The following PCDHA10 variants were observed in gnomAD, a reference collection of about 807,000 sequenced individuals.
PCDHA10 encodes protocadherin alpha 10.
In PCDHA10, 45 loss-of-function variants were observed where a neutral mutation model predicts 61.2. That is an observed-to-expected ratio of 0.74 (90% CI 0.58 to 0.94). The LOEUF is 0.94. PCDHA10 is among the 40% of genes least tolerant of loss of function. The pLI is 0.00. For synonymous variants in PCDHA10, 602 were observed against 548.8 expected (o/e 1.10, Z -1.35); for missense variants, 1,278 against 1,236.2 (o/e 1.03, Z -0.51).
chr5:140,905,864 A>C (rs265313), intron 1 of PCDHA10, among the ~76,000 whole-genome samples: 7,097 of 152,260 alleles, frequency 0.047, 295 homozygotes, highest in African/African-American at 0.11. Context: ...AACTCACACA[A>C]TCACAAGGCC....
In PCDHA10 at chr5:140,882,314, C is replaced by G. The variant is rs370330527; in HGVS notation, c.2388+23878C>G. 9 of 1,614,000 alleles carry G rather than the reference C, an allele frequency of 5.6e-6. No individual in the cohort carries two copies. The Admixed American group carries it at 6.7e-5, about 12-fold the overall frequency. On this transcript the variant is annotated intron_variant, in intron 1 of 3. Transcript: ENST00000307360. ...AGGCCCAAGACCGCGGCAACTACTGCTCTGGCTTCTGATCCTCGCAGCCTG... is the reference window on the plus strand; with the variant it reads ...AGGCCCAAGACCGCGGCAACTACTGGTCTGGCTTCTGATCCTCGCAGCCTG...
intron 1 of PCDHA10, among the ~76,000 whole-genome samples, chr5:140,942,906 G>C (rs1454697434): frequency 6.6e-6 from 1 of 151,800 alleles, no homozygotes; most frequent in African/African-American, 2.4e-5. Context: ...CTAAGAATAA[G>C]CGTGAAGAAA....
intron 1 of PCDHA10, among the ~76,000 whole-genome samples, chr5:140,916,213 T>A (rs2077480691): frequency 6.6e-6 from 1 of 152,134 alleles, no homozygotes; most frequent in Non-Finnish European, 1.5e-5. Context: ...CTGGGGAAGA[T>A]CCAAATATGC....
intron 1 of PCDHA10, among the ~76,000 whole-genome samples, chr5:140,891,388 C>A (rs2063075244): frequency 6.6e-6 from 1 of 151,946 alleles, no homozygotes; most frequent in South Asian, 2.1e-4. Flanking sequence ...TATTTGCAAT[C>A]TTTTATCCCT....
chr5:140,962,757 T>C (rs1554226219), intron 1 of PCDHA10, among the ~76,000 whole-genome samples: 1 of 152,240 alleles, frequency 6.6e-6, no homozygotes, highest in Non-Finnish European at 1.5e-5. Context: ...GGAATCCTAT[T>C]CGTTTTTAAC....
At chr5:140,873,642 G>A (rs1217578025) in intron 1 of PCDHA10, among the ~76,000 whole-genome samples, 1 of 152,154 alleles carries the variant, frequency 6.6e-6, no homozygotes, top group Non-Finnish European at 1.5e-5. Flanking sequence ...GAGTATGTGA[G>A]AACTACATAA....
intron 1 of PCDHA10, among the ~76,000 whole-genome samples, chr5:140,902,579 A>G (rs2069572489): frequency 6.6e-6 from 1 of 152,078 alleles, no homozygotes. Flanking sequence ...TAAGATTTCA[A>G]TAGTTTTGGG....
intron 1 of PCDHA10, among the ~76,000 whole-genome samples, chr5:140,878,373 T>G (rs944129613): frequency 2.2e-4 from 34 of 152,258 alleles, no homozygotes; most frequent in African/African-American, 8.0e-4. Flanking sequence ...TGACATATGA[T>G]GAATGATTTT....
At chr5:140,982,312 T>C in intron 2 of PCDHA10, 163 bp from the exon 3 acceptor site, 1 of 1,315,948 alleles carries the variant, frequency 7.6e-7, no homozygotes, top group Non-Finnish European at 1.0e-6. Context: ...TTCTGCAGTT[T>C]ATGCAGGGTG....
In PCDHA10 at chr5:140,927,952, G is replaced by C. The variant is rs1352026553; in HGVS notation, c.2389-50997G>C. 6 of 1,614,064 alleles carry C rather than the reference G, an allele frequency of 3.7e-6. No homozygotes were observed. In the African/African-American group the frequency reaches 8.0e-5, roughly 22 times the overall value. On this transcript the variant is annotated intron_variant, in intron 1 of 3. Coordinates refer to ENST00000307360, the MANE Select transcript of PCDHA10 (RefSeq NM_018901.4). ...TTCGAACCCAGTACCTGAGGACGCTGCCCCTGGCACAGTGATTGCTCTCTT... is the reference window on the plus strand; with the variant it reads ...TTCGAACCCAGTACCTGAGGACGCTCCCCCTGGCACAGTGATTGCTCTCTT...
chr5:140,910,103 T>C (rs1485345908), intron 1 of PCDHA10, among the ~76,000 whole-genome samples: 2 of 152,192 alleles, frequency 1.3e-5, no homozygotes, highest in Admixed American at 6.5e-5. Flanking sequence ...CTCCCCTTCA[T>C]TTAAGGGATT....
At chr5:140,896,882 T>C (rs1345268084) in intron 1 of PCDHA10, among the ~76,000 whole-genome samples, 1 of 152,198 alleles carries the variant, frequency 6.6e-6, no homozygotes. Flanking sequence ...TTATGGGGTA[T>C]ATGAGACATT....
rs189949937 is a variant in PCDHA10 at position 140,920,653 on chromosome 5, T to C, written c.2389-58296T>C. On this transcript the variant is annotated intron_variant, in intron 1 of 3. Coordinates refer to ENST00000307360, the MANE Select transcript of PCDHA10 (RefSeq NM_018901.4). ...AAGGTCAAGAGATTGAGACCATCCT[T>C]GCCAACATGGTGAAACCCCATCTCT... is the stretch of plus-strand genomic sequence containing the variant. Among the ~76,000 whole-genome samples, 1,219 of 152,042 alleles carry C rather than the reference T, an allele frequency of 8.0e-3. 5 individuals carry two copies. Among genetic ancestry groups the C allele is most frequent in the African/African-American group, 0.019 (786 of 41,502 alleles).
At chr5:140,902,473 T>A (rs2069483138) in intron 1 of PCDHA10, among the ~76,000 whole-genome samples, 1 of 152,208 alleles carries the variant, frequency 6.6e-6, no homozygotes, top group African/African-American at 2.4e-5. Context: ...CTTTGAGTTT[T>A]TGCCTGCTCA....
At chr5:140,864,340 A>ACAT (rs1554158797) in intron 1 of PCDHA10, 2 of 152,232 alleles carry the variant, frequency 1.3e-5, no homozygotes, top group African/African-American at 4.8e-5. Flanking sequence ...TTGAGTTTAA[A>ACAT]ACATGTTTAA....
chr5:140,971,192 A>G (rs1450514781), intron 1 of PCDHA10, among the ~76,000 whole-genome samples: 3 of 152,178 alleles, frequency 2.0e-5, no homozygotes, highest in Non-Finnish European at 4.4e-5. Context: ...GGAAGCTCAG[A>G]GGAAAGACAC....
chr5:140,966,678 C>T, intron 1 of PCDHA10: 5 of 1,313,350 alleles, frequency 3.8e-6, no homozygotes, highest in South Asian at 3.6e-5. Context: ...CAGGGTGGCA[C>T]GAGCGGAGGC....
At chr5:140,877,153 A>C in intron 1 of PCDHA10, 1 of 1,613,798 alleles carries the variant, frequency 6.2e-7, no homozygotes, top group Non-Finnish European at 8.5e-7. Flanking sequence ...CGAGAACGAC[A>C]ACGCGCCGGC....
At chr5:140,877,710 G>T in intron 1 of PCDHA10, 1 of 1,614,098 alleles carries the variant, frequency 6.2e-7, no homozygotes, top group Non-Finnish European at 8.5e-7. Context: ...GCGCCGTGGG[G>T]AGTTGGTCTT....
Sources: gnomAD v4.1 joint callset for allele counts (sites outside exome capture counted in the v4.1 genomes callset) on GRCh38, gnomAD v4.1.1 for gene constraint, MANE v1.5 for transcripts, NCBI Gene and HGNC (gene_info 2026-07-23, HGNC 2026-07-21) for gene names.